The following FBXL17 variants were observed in gnomAD, a reference collection of about 807,000 sequenced individuals.
The protein encoded by FBXL17 is F-box and leucine rich repeat protein 17.
A neutral mutation model predicts 66.2 loss-of-function variants in FBXL17; 22 were observed. The ratio of observed to expected loss-of-function variants is 0.33; its 90% CI spans 0.24 to 0.47. The LOEUF is 0.47. Among genes scored for constraint, FBXL17 ranks in the 20% least tolerant of loss-of-function variants. FBXL17 has a pLI of 1.00. For synonymous variants in FBXL17, 474 were observed against 400.5 expected (o/e 1.18, Z -2.19); for missense variants, 878 against 948.2 (o/e 0.93, Z 0.97).
At chr5:108,162,958 C>T (rs1261872024) in intron 6 of FBXL17, among the ~76,000 whole-genome samples, 2 of 152,034 alleles carry the variant, frequency 1.3e-5, no homozygotes, top group Non-Finnish European at 2.9e-5. Context: ...CTATGTATCA[C>T]CAGTACAAAG....
intron 7 of FBXL17, among the ~76,000 whole-genome samples, chr5:107,978,219 G>C (rs1157184033): frequency 6.6e-6 from 1 of 152,142 alleles, no homozygotes; most frequent in Non-Finnish European, 1.5e-5. Flanking sequence ...AGCCACACAC[G>C]CTGGCTGCCT....
chr5:108,024,894 A>T (rs1437562889), intron 6 of FBXL17, among the ~76,000 whole-genome samples: 1 of 152,104 alleles, frequency 6.6e-6, no homozygotes, highest in Non-Finnish European at 1.5e-5. Context: ...TGGAGGGAAA[A>T]TCTGTCTCCT....
chr5:108,151,315 G>A (rs980677439), intron 6 of FBXL17, among the ~76,000 whole-genome samples: 1 of 152,064 alleles, frequency 6.6e-6, no homozygotes, highest in African/African-American at 2.4e-5. Flanking sequence ...CATCACATTT[G>A]AGCCTATCAG....
intron 6 of FBXL17, among the ~76,000 whole-genome samples, chr5:108,023,845 A>G (rs770639534): frequency 2.2e-4 from 34 of 152,156 alleles, no homozygotes; most frequent in Non-Finnish European, 4.0e-4. Flanking sequence ...ATACCAATAA[A>G]AGAGAGAAAT....
At chr5:108,276,996 A>C (rs1389844151) in intron 4 of FBXL17, among the ~76,000 whole-genome samples, 1 of 152,022 alleles carries the variant, frequency 6.6e-6, no homozygotes, top group Non-Finnish European at 1.5e-5. Context: ...TTTATGTGAG[A>C]AGTAGATTAT....
intron 6 of FBXL17, among the ~76,000 whole-genome samples, chr5:108,084,463 G>GA (rs1242014576): frequency 4.6e-5 from 7 of 152,144 alleles, no homozygotes; most frequent in Non-Finnish European, 1.0e-4. Flanking sequence ...GTTTCATCTG[G>GA]AAAAAACACA....
chr5:108,238,746 A>G (rs756448435), intron 4 of FBXL17, among the ~76,000 whole-genome samples: 21 of 152,154 alleles, frequency 1.4e-4, no homozygotes, highest in Non-Finnish European at 2.1e-4. Context: ...TTTGAACTTA[A>G]GCAATCCAGC....
intron 6 of FBXL17, among the ~76,000 whole-genome samples, chr5:108,061,218 C>T (rs1747907182): frequency 6.6e-6 from 1 of 151,994 alleles, no homozygotes; most frequent in Admixed American, 6.6e-5. Context: ...ACCTGGGAGG[C>T]TGAGGTTGCA....
chr5:108,138,666 A>G (rs986210347), intron 6 of FBXL17, among the ~76,000 whole-genome samples: 6 of 152,214 alleles, frequency 3.9e-5, no homozygotes, highest in African/African-American at 1.4e-4. Context: ...TGCATCATTC[A>G]TGAAGTTAAC....
intron 4 of FBXL17, among the ~76,000 whole-genome samples, chr5:108,300,799 T>C (rs1411137217): frequency 1.3e-5 from 2 of 151,710 alleles, no homozygotes; most frequent in Non-Finnish European, 1.5e-5. Flanking sequence ...AAGGTCTATA[T>C]GCAATTGTGT....
intron 5 of FBXL17, among the ~76,000 whole-genome samples, chr5:108,194,155 C>A (rs6860212): frequency 1.3e-5 from 2 of 151,964 alleles, no homozygotes; most frequent in African/African-American, 2.4e-5. Context: ...CTACCATTCC[C>A]TGAAATCTGT....
chr5:107,859,135 T>C lies in FBXL17; in HGVS notation c.*2585A>G, dbSNP rs976156770. The C allele has an allele frequency of 2.6e-5, 4 of 152,142 alleles. No homozygotes were observed. The highest frequency in any genetic ancestry group is 2.6e-4 in the Admixed American group (4 of 15,282). The allele number at this position is 152,142 out of a possible 1,614,324, so 9.4% of individuals were successfully genotyped here. A position where few individuals can be genotyped will look rare whatever the true frequency, so the allele number is the denominator to read the frequency against. ...TTTTCTTTATCCACTCAAAAAGACA[T>C]TAAAGACAAAGGACCAGAATTTTCC... is the stretch of plus-strand genomic sequence containing the variant. On this transcript the variant is annotated 3_prime_UTR_variant, in exon 9 of 9. Coordinates refer to ENST00000542267, the MANE Select transcript of FBXL17 (RefSeq NM_001163315.3).
chr5:108,358,366 T>A (rs567707189), intron 3 of FBXL17, among the ~76,000 whole-genome samples: 2 of 152,164 alleles, frequency 1.3e-5, no homozygotes, highest in Non-Finnish European at 2.9e-5. Flanking sequence ...CCTAGTTTGA[T>A]AGGTTTTTGT....
At chr5:108,214,941 A>G (rs1754536410) in intron 5 of FBXL17, among the ~76,000 whole-genome samples, 1 of 152,212 alleles carries the variant, frequency 6.6e-6, no homozygotes, top group South Asian at 2.1e-4. Context: ...TGGACATTTC[A>G]TATAAACAAA....
At chr5:108,025,222 G>A (rs1469224444) in intron 6 of FBXL17, among the ~76,000 whole-genome samples, 1 of 152,054 alleles carries the variant, frequency 6.6e-6, no homozygotes, top group Non-Finnish European at 1.5e-5. Flanking sequence ...GCCAGACACT[G>A]GTTTGCAAAT....
chr5:108,004,802 A>C lies in FBXL17; in HGVS notation c.1822+16123T>G, dbSNP rs886847497. On this transcript the variant is annotated intron_variant, in intron 7 of 8. Transcript: ENST00000542267. Reference sequence around the variant, plus strand: ...ACTTCTTCATAATCTCGGAACCAATAATCAAACTAGTGGGAAATACTTCTA... The same window carrying C: ...ACTTCTTCATAATCTCGGAACCAATCATCAAACTAGTGGGAAATACTTCTA... Among the ~76,000 whole-genome samples, 10 of 152,310 alleles carry C rather than the reference A, an allele frequency of 6.6e-5. No homozygotes were observed. The South Asian group carries it at 2.1e-3, about 32-fold the overall frequency.
At chr5:107,968,822 A>G (rs17165768) in intron 7 of FBXL17, among the ~76,000 whole-genome samples, 1 of 151,904 alleles carries the variant, frequency 6.6e-6, no homozygotes, top group Non-Finnish European at 1.5e-5. Flanking sequence ...AATTCTGATA[A>G]GCTAGTTTTT....
intron 7 of FBXL17, among the ~76,000 whole-genome samples, chr5:107,947,132 C>T (rs906706700): frequency 5.3e-5 from 8 of 152,114 alleles, no homozygotes; most frequent in Non-Finnish European, 1.2e-4. Flanking sequence ...ACTTTTTTCA[C>T]GGGCTGATCA....
At chr5:108,288,365 C>G (rs1277505909) in intron 4 of FBXL17, among the ~76,000 whole-genome samples, 1 of 151,174 alleles carries the variant, frequency 6.6e-6, no homozygotes, top group African/African-American at 2.4e-5. Flanking sequence ...TTAGCACATG[C>G]TATTGAAAAA....
Sources: allele counts gnomAD v4.1 joint callset (sites outside exome capture counted in the v4.1 genomes callset), GRCh38; gene constraint gnomAD v4.1.1; transcripts MANE v1.5; gene names NCBI Gene and HGNC (gene_info 2026-07-23, HGNC 2026-07-21).